The following TEKT5 variants were observed in gnomAD, a reference collection of about 807,000 sequenced individuals.
TEKT5 encodes the protein tektin-5.
In TEKT5, 52 loss-of-function variants were observed where a neutral mutation model predicts 48.7. That is an observed-to-expected ratio of 1.07 (90% CI 0.86 to 1.35). TEKT5 has a LOEUF of 1.35. TEKT5 is among the 40% of genes most tolerant of loss of function. The pLI is 0.00. For missense variants in TEKT5, 831 were observed against 641.6 expected, an observed-to-expected ratio of 1.30 and a Z score of -3.19; for synonymous variants, 318 against 267.6, an observed-to-expected ratio of 1.19 and a Z score of -1.84.
intron 2 of TEKT5, 28 bp from the exon 3 acceptor site, chr16:10,689,351 G>C (rs1898923420): frequency 1.3e-6 from 2 of 1,587,104 alleles, no homozygotes; most frequent in African/African-American, 1.3e-5. Context: ...AGAAAGAGCA[G>C]TGCCTCTTAG....
At chr16:10,693,581 A>T (rs542757725) in intron 1 of TEKT5, among the ~76,000 whole-genome samples, 1 of 152,384 alleles carries the variant, frequency 6.6e-6, no homozygotes, top group African/African-American at 2.4e-5. Context: ...TCTTGAATAC[A>T]TCAGTGACAA....
chr16:10,673,955 G>C (rs1445257672), intron 5 of TEKT5, among the ~76,000 whole-genome samples: 2 of 151,922 alleles, frequency 1.3e-5, no homozygotes, highest in Non-Finnish European at 2.9e-5. Context: ...CCCGGCCGCT[G>C]CATCCATTCT....
intron 6 of TEKT5, among the ~76,000 whole-genome samples, chr16:10,630,124 G>C (rs1897816680): frequency 2.0e-5 from 3 of 152,060 alleles, no homozygotes; most frequent in Admixed American, 2.0e-4. Flanking sequence ...TGTAGAGACA[G>C]GGTTTCACCA....
At chr16:10,630,656 C>T (rs890155948) in intron 6 of TEKT5, among the ~76,000 whole-genome samples, 2 of 152,218 alleles carry the variant, frequency 1.3e-5, no homozygotes, top group Non-Finnish European at 2.9e-5. Flanking sequence ...CCACCAGCCC[C>T]ATGGGGCTAA....
intron 5 of TEKT5, among the ~76,000 whole-genome samples, chr16:10,662,205 C>T (rs1215134987): frequency 2.0e-5 from 3 of 152,160 alleles, no homozygotes; most frequent in Non-Finnish European, 2.9e-5. Context: ...ATCAGTAGCA[C>T]GCACCCCCAT....
intron 5 of TEKT5, among the ~76,000 whole-genome samples, chr16:10,667,252 G>A (rs1169588001): frequency 2.0e-5 from 3 of 152,134 alleles, no homozygotes; most frequent in East Asian, 1.9e-4. Context: ...CAAAAGTGCT[G>A]GGATTACAGG....
chr16:10,679,454 T>TAA (rs60522817), intron 4 of TEKT5, among the ~76,000 whole-genome samples: 27 of 120,264 alleles, frequency 2.2e-4, no homozygotes, highest in Admixed American at 7.7e-4. Context: ...AGACTCTGTC[T>TAA]AAAAAAAAAA....
chr16:10,679,813 C>T (rs1898712841), intron 4 of TEKT5, among the ~76,000 whole-genome samples: 1 of 152,180 alleles, frequency 6.6e-6, no homozygotes, highest in Admixed American at 6.5e-5. Context: ...AGGAGCATCG[C>T]TTGAACCCAG....
At chr16:10,692,711 T>C (rs1210627930) in intron 1 of TEKT5, 2 of 152,240 alleles carry the variant, frequency 1.3e-5, no homozygotes, top group Admixed American at 6.5e-5. Context: ...ATGGTGCCCA[T>C]TGATGCTTCT....
chr16:10,627,703 G>C lies in TEKT5; in HGVS notation c.1338C>G (p.Thr446=). The C allele has an allele frequency of 6.2e-7, 1 of 1,614,232 alleles. No homozygotes were observed. Among genetic ancestry groups the C allele is most frequent in the Non-Finnish European group, 8.5e-7 (1 of 1,180,052 alleles). ...TQDTLQLLVM[T]KCRLEHELAI... ...CGAGCTCGTGCTCCAGCCGGCACTT[G>C]GTCATGACCAGCAGCTGCAGCGTGT... Residue 446 remains threonine (T), a synonymous_variant, in exon 7 of 7, where the codon ACC becomes ACG. Coordinates refer to ENST00000283025, the MANE Select transcript of TEKT5 (RefSeq NM_144674.2).
intron 4 of TEKT5, among the ~76,000 whole-genome samples, chr16:10,677,216 T>TGTCTGG (rs1311287894): frequency 6.3e-5 from 6 of 95,660 alleles, no homozygotes; most frequent in East Asian, 3.6e-4. Flanking sequence ...AGCAGGAGGA[T>TGTCTGG]GAAAGAGACA....
chr16:10,693,362 T>C (rs2142320033), intron 1 of TEKT5, among the ~76,000 whole-genome samples: 1 of 152,360 alleles, frequency 6.6e-6, no homozygotes, highest in African/African-American at 2.4e-5. Context: ...CACAAAGTGC[T>C]GGGATTACAG....
intron 4 of TEKT5, among the ~76,000 whole-genome samples, chr16:10,679,062 G>A (rs940737135): frequency 9.9e-5 from 15 of 152,262 alleles, no homozygotes; most frequent in African/African-American, 4.8e-5. Context: ...TCACCTCTCC[G>A]AGCCTTAGTT....
intron 3 of TEKT5, among the ~76,000 whole-genome samples, chr16:10,687,113 G>C (rs774802883): frequency 6.6e-6 from 1 of 152,024 alleles, no homozygotes; most frequent in Non-Finnish European, 1.5e-5. Flanking sequence ...GTGGTCAAAG[G>C]GTACAAATTT....
At chr16:10,629,285 C>G (rs985305599) in intron 6 of TEKT5, among the ~76,000 whole-genome samples, 3 of 151,732 alleles carry the variant, frequency 2.0e-5, no homozygotes, top group African/African-American at 7.3e-5. Context: ...GAGTCTCGCC[C>G]TGTCATCCAG....
At chr16:10,654,944 ACCC>A (rs796414949) in intron 5 of TEKT5, among the ~76,000 whole-genome samples, 1,970 of 67,298 alleles carry the variant, frequency 0.029, 26 homozygotes, top group Non-Finnish European at 0.036. Context: ...CCCCTCCCCC[ACCC>A]CCCCCCCCCA....
At position 10,663,250 on chromosome 16, in the gene TEKT5, G is replaced by C. The variant is rs1898404942; in HGVS notation, c.1086+12709C>G. 3.3e-5 allele frequency among the ~76,000 whole-genome samples: 5 copies of C among 152,186 alleles called. No homozygotes were observed. The South Asian group carries it at 1.0e-3, about 31-fold the overall frequency. On this transcript the variant is annotated intron_variant, in intron 5 of 6. Transcript: ENST00000283025. ...CTGAAAGCAGAGATATGTTTGGCAG[G>C]GTTGTTCACCATGTAAAACTATCTG...
chr16:10,651,767 C>T (rs1402192937), intron 5 of TEKT5, among the ~76,000 whole-genome samples: 1 of 152,104 alleles, frequency 6.6e-6, no homozygotes, highest in Non-Finnish European at 1.5e-5. Context: ...CGAGACCAGC[C>T]TGACAAACAT....
In TEKT5 at chr16:10,678,551, T is replaced by C. The variant is rs1447773305; in HGVS notation, c.864-2370A>G. On this transcript the variant is annotated intron_variant, in intron 4 of 6. Transcript: ENST00000283025. Reference sequence around the variant, plus strand: ...GGGCTTCTGGAGATAGGAGTGGCACTAAGTCAGGTTCAGAGCTTTCATCCA... The same window carrying C: ...GGGCTTCTGGAGATAGGAGTGGCACCAAGTCAGGTTCAGAGCTTTCATCCA... 6.6e-5 allele frequency among the ~76,000 whole-genome samples: 10 copies of C among 152,200 alleles called. No homozygotes were observed. The East Asian group carries it at 1.9e-3, about 29-fold the overall frequency.
Sources: allele counts gnomAD v4.1 joint callset (sites outside exome capture counted in the v4.1 genomes callset), GRCh38; gene constraint gnomAD v4.1.1; transcripts MANE v1.5; gene names NCBI Gene and HGNC (gene_info 2026-07-23, HGNC 2026-07-21).